Variants in PEX5L observed in about 807,000 individuals in gnomAD.
PEX5L encodes the protein peroxisomal biogenesis factor 5 like, also known as PEX5-related protein.
PEX5L carries 30 observed loss-of-function variants against 84.0 expected under a neutral mutation model. The ratio of observed to expected loss-of-function variants is 0.36; its 90% CI spans 0.27 to 0.48. The LOEUF (loss-of-function observed/expected upper bound fraction) is 0.48, where lower values mean the gene tolerates loss of function less well. Ranked by LOEUF, PEX5L falls within the 20% of genes least tolerant of loss-of-function variation. The probability of loss-of-function intolerance (pLI) is 0.99; values close to 1 mark genes in which losing one functional copy is unlikely to be tolerated. For missense variants in PEX5L, 533 were observed against 754.6 expected (o/e 0.71, Z 3.44); for synonymous variants, 270 against 283.1 (o/e 0.95, Z 0.46).
rs1717753417 is a variant in PEX5L, at chr3:179,798,107, A to G, written c.*3721T>C. Reference sequence around the variant, plus strand: ...AAGAATATACAAGAAATATTTATCTATACAAGTATTTAGACATGGGTCCCA... The same window carrying G: ...AAGAATATACAAGAAATATTTATCTGTACAAGTATTTAGACATGGGTCCCA... On this transcript the variant is annotated 3_prime_UTR_variant, in exon 15 of 15. Transcript: ENST00000467460. 6.6e-6 allele frequency: 1 copy of G among 152,252 alleles called. No homozygotes were observed. Among genetic ancestry groups the G allele is most frequent in the Admixed American group, 6.5e-5 (1 of 15,284 alleles). 9.4% of individuals were successfully genotyped at this position (152,252 alleles called of 1,614,324 possible). A position where few individuals can be genotyped will look rare whatever the true frequency, so the allele number is the denominator to read the frequency against.
intron 11 of PEX5L, among the ~76,000 whole-genome samples, chr3:179,811,430 A>G (rs1723808047): frequency 6.6e-6 from 1 of 152,148 alleles, no homozygotes; most frequent in Non-Finnish European, 1.5e-5. Flanking sequence ...CTCCTGCTCC[A>G]ACGTCATCCA....
intron 2 of PEX5L, among the ~76,000 whole-genome samples, chr3:179,969,489 C>T (rs1784210388): frequency 6.6e-6 from 1 of 151,872 alleles, no homozygotes; most frequent in South Asian, 2.1e-4. Flanking sequence ...ATTTGTTGAC[C>T]TCTTAAACTT....
intron 8 of PEX5L, among the ~76,000 whole-genome samples, chr3:179,828,709 T>C (rs1311541712): frequency 6.6e-6 from 1 of 151,922 alleles, no homozygotes; most frequent in East Asian, 1.9e-4. Flanking sequence ...CTCTAGAAAA[T>C]GTTGAGATAA....
intron 2 of PEX5L, among the ~76,000 whole-genome samples, chr3:179,905,277 C>T (rs1346265132): frequency 6.9e-6 from 1 of 145,272 alleles, no homozygotes; most frequent in South Asian, 2.2e-4. Flanking sequence ...AATCTGTGTC[C>T]TTTTTTTTTT....
chr3:179,877,258 T>C (rs1215813423), intron 5 of PEX5L, among the ~76,000 whole-genome samples: 1 of 152,252 alleles, frequency 6.6e-6, no homozygotes, highest in African/African-American at 2.4e-5. Flanking sequence ...TCATTGTCTG[T>C]ATATACCACA....
At chr3:179,992,345 G>A (rs928382803) in intron 1 of PEX5L, among the ~76,000 whole-genome samples, 5 of 152,170 alleles carry the variant, frequency 3.3e-5, no homozygotes, top group Non-Finnish European at 7.4e-5. Flanking sequence ...GCTCAAGAAA[G>A]GTTGAATGAT....
intron 2 of PEX5L, among the ~76,000 whole-genome samples, chr3:179,916,247 C>G (rs1767043466): frequency 6.6e-6 from 1 of 151,980 alleles, no homozygotes; most frequent in African/African-American, 2.4e-5. Context: ...TTACCAAAAC[C>G]CAGATGATAT....
intron 1 of PEX5L, among the ~76,000 whole-genome samples, chr3:180,028,164 T>C (rs1248738498): frequency 6.6e-6 from 1 of 152,196 alleles, no homozygotes; most frequent in Admixed American, 6.5e-5. Context: ...AGATTTAACA[T>C]CCATTGATCA....
At chr3:179,846,723 T>C (rs1391519144) in intron 8 of PEX5L, among the ~76,000 whole-genome samples, 1 of 152,198 alleles carries the variant, frequency 6.6e-6, no homozygotes, top group Admixed American at 6.5e-5. Flanking sequence ...GAATTTACTC[T>C]CTCTACCTGG....
chr3:179,853,591 T>C (rs912642764), intron 8 of PEX5L, among the ~76,000 whole-genome samples: 3 of 152,248 alleles, frequency 2.0e-5, no homozygotes, highest in East Asian at 3.9e-4. Flanking sequence ...GGACAGTGCA[T>C]TTAGGCTGCT....
At chr3:179,847,214 A>G (rs988163464) in intron 8 of PEX5L, among the ~76,000 whole-genome samples, 2 of 151,928 alleles carry the variant, frequency 1.3e-5, no homozygotes, top group Non-Finnish European at 2.9e-5. Context: ...ATATGTGCAT[A>G]TGTATTTATA....
chr3:179,833,221 G>T (rs1489040454), intron 8 of PEX5L, among the ~76,000 whole-genome samples: 2 of 152,178 alleles, frequency 1.3e-5, no homozygotes, highest in Admixed American at 1.3e-4. Flanking sequence ...TCTGAGTGAA[G>T]AAATAAGAGG....
Position 179,800,637 on chromosome 3 carries a change from A to G in PEX5L, c.*1191T>C, listed in dbSNP as rs1577059144. ...AGAGCCAAAGAGGCATGCATCTTTC[A>G]TATGAAATCACTGGCATTCAGTGAG... On this transcript the variant is annotated 3_prime_UTR_variant, in exon 15 of 15. Transcript: ENST00000467460. The G allele has an allele frequency of 6.6e-6, 1 of 152,368 alleles. No homozygotes were observed. The highest frequency in any genetic ancestry group is 2.1e-4 in the South Asian group (1 of 4,830). The allele number at this position is 152,368 out of a possible 1,614,324, so 9.4% of individuals were successfully genotyped here.
intron 2 of PEX5L, among the ~76,000 whole-genome samples, chr3:179,931,469 C>T (rs1441100737): frequency 6.6e-6 from 1 of 152,092 alleles, no homozygotes; most frequent in Admixed American, 6.6e-5. Context: ...GGTCTGCTTT[C>T]GAAATAGCTT....
chr3:179,942,855 T>A (rs990269862), intron 2 of PEX5L, among the ~76,000 whole-genome samples: 1 of 152,200 alleles, frequency 6.6e-6, no homozygotes, highest in Non-Finnish European at 1.5e-5. Context: ...TCCTCTTAGG[T>A]TACATATAGT....
At chr3:179,835,469 A>G (rs1734606492) in intron 8 of PEX5L, among the ~76,000 whole-genome samples, 1 of 152,196 alleles carries the variant, frequency 6.6e-6, no homozygotes, top group African/African-American at 2.4e-5. Context: ...CACAGCACAA[A>G]ACAATCCTAA....
At chr3:179,889,597 T>C (rs375428152) in intron 3 of PEX5L, among the ~76,000 whole-genome samples, 33 of 152,336 alleles carry the variant, frequency 2.2e-4, no homozygotes, top group African/African-American at 7.7e-4. Flanking sequence ...GGTATTACTA[T>C]GTATAAAACC....
At chr3:179,893,802 T>G (rs1758338333) in intron 3 of PEX5L, among the ~76,000 whole-genome samples, 1 of 152,188 alleles carries the variant, frequency 6.6e-6, no homozygotes, top group Admixed American at 6.6e-5. Context: ...AATGTTGATT[T>G]AGAAAATTTA....
chr3:179,848,792 G>A (rs1740646528), intron 8 of PEX5L, among the ~76,000 whole-genome samples: 2 of 152,152 alleles, frequency 1.3e-5, no homozygotes, highest in Admixed American at 1.3e-4. Flanking sequence ...CTTGCAGTTT[G>A]GGGTAGGGGT....
Sources: allele counts gnomAD v4.1 joint callset (sites outside exome capture counted in the v4.1 genomes callset), GRCh38; gene constraint gnomAD v4.1.1; transcripts MANE v1.5; gene names NCBI Gene and HGNC (gene_info 2026-07-23, HGNC 2026-07-21).